CLVS1: variants seen among roughly 807,000 people sequenced by gnomAD.
CLVS1 encodes the protein clavesin 1.
A neutral mutation model predicts 33.1 loss-of-function variants in CLVS1; 10 were observed. That is an observed-to-expected ratio of 0.30 (90% CI 0.19 to 0.51). The LOEUF (loss-of-function observed/expected upper bound fraction) is 0.51. Among genes scored for constraint, CLVS1 ranks in the 20% least tolerant of loss-of-function variants. The probability of loss-of-function intolerance (pLI) is 0.97; values close to 1 mark genes in which losing one functional copy is unlikely to be tolerated. For synonymous variants in CLVS1, 163 were observed against 166.1 expected, an observed-to-expected ratio of 0.98 and a Z score of 0.14; for missense variants, 343 against 433.4, an observed-to-expected ratio of 0.79 and a Z score of 1.85.
chr8:61,216,564 T>C (rs994826027), intron 2 of CLVS1, among the ~76,000 whole-genome samples: 1 of 152,234 alleles, frequency 6.6e-6, no homozygotes, highest in Non-Finnish European at 1.5e-5. Context: ...AGGAGGAAGA[T>C]GGAGGAACCA....
chr8:61,157,121 A>G (rs1806665777), intron 2 of CLVS1, among the ~76,000 whole-genome samples: 1 of 152,220 alleles, frequency 6.6e-6, no homozygotes, highest in Non-Finnish European at 1.5e-5. Flanking sequence ...ATCAGGCCTC[A>G]GGTATAAAGG....
At chr8:61,232,127 C>T (rs1018989836) in intron 2 of CLVS1, among the ~76,000 whole-genome samples, 3 of 149,674 alleles carry the variant, frequency 2.0e-5, no homozygotes, top group Non-Finnish European at 4.4e-5. Context: ...CTCCACCTCC[C>T]GGGTTCAGGC....
chr8:61,084,123 C>G (rs1395778010), intron 1 of CLVS1, among the ~76,000 whole-genome samples: 2 of 152,188 alleles, frequency 1.3e-5, no homozygotes, highest in East Asian at 1.9e-4. Context: ...CAATACCAGA[C>G]AAGATAACAC....
chr8:61,127,365 G>A (rs1242943284), intron 1 of CLVS1, among the ~76,000 whole-genome samples: 3 of 152,026 alleles, frequency 2.0e-5, no homozygotes, highest in African/African-American at 7.3e-5. Flanking sequence ...GATTACAGGT[G>A]TGCGCCACCA....
chr8:61,421,888 T>C (rs903020825), intron 3 of CLVS1, among the ~76,000 whole-genome samples: 1 of 152,228 alleles, frequency 6.6e-6, no homozygotes, highest in African/African-American at 2.4e-5. Context: ...AAGATCCAGC[T>C]AAAGCAGACT....
At chr8:61,434,161 C>T (rs968609985) in intron 3 of CLVS1, among the ~76,000 whole-genome samples, 1 of 152,132 alleles carries the variant, frequency 6.6e-6, no homozygotes, top group African/African-American at 2.4e-5. Context: ...TGGGAAGTCA[C>T]TGGAGGGTTT....
At chr8:61,049,131 G>T in the CLVS1 span, among the ~76,000 whole-genome samples, 4 of 152,292 alleles carry the variant, frequency 2.6e-5, no homozygotes, top group Admixed American at 2.0e-4. Flanking sequence ...ATAGCCTGCT[G>T]AATTTTCACA....
At chr8:61,486,612 G>A (rs1213866404) in intron 5 of CLVS1, among the ~76,000 whole-genome samples, 1 of 152,184 alleles carries the variant, frequency 6.6e-6, no homozygotes, top group African/African-American at 2.4e-5. Context: ...TGGAGGAGTT[G>A]AGGAGGTAAG....
At chr8:61,100,888 A>G (rs368390927) in intron 1 of CLVS1, among the ~76,000 whole-genome samples, 55 of 152,320 alleles carry the variant, frequency 3.6e-4, no homozygotes, top group African/African-American at 1.3e-3. Context: ...TCCATGGTGT[A>G]GCATGTATCA....
At chr8:60,992,227 AT>A in the CLVS1 span, among the ~76,000 whole-genome samples, 6 of 152,076 alleles carry the variant, frequency 3.9e-5, no homozygotes, top group Non-Finnish European at 5.9e-5. Flanking sequence ...CTGACTTTAT[AT>A]TTTTTACTCA....
chr8:61,493,832 GA>G lies in CLVS1; in HGVS notation c.978-5619del, dbSNP rs577250350. On this transcript the variant is annotated intron_variant, in intron 5 of 5. Transcript: ENST00000325897. Reference sequence around the variant, plus strand: ...TTATGGAATGATGATGTTGGTCCTGGAAAACAGATGGGTAGAACCTGATTCA... The same window carrying G: ...TTATGGAATGATGATGTTGGTCCTGGAAACAGATGGGTAGAACCTGATTCA... Among the ~76,000 whole-genome samples, 54 of 152,308 alleles carry G rather than the reference GA, an allele frequency of 3.5e-4. 1 individual carries two copies. The South Asian group carries it at 9.9e-3, about 28-fold the overall frequency.
In CLVS1 at chr8:61,288,131, G is replaced by T; in HGVS notation, c.-159G>T. ...ATTCCCAAAGCAAGGCTGGGCGGCCGTGTGAAGGTATTTGTTACCTTTTTT... is the reference window on the plus strand; with the variant it reads ...ATTCCCAAAGCAAGGCTGGGCGGCCTTGTGAAGGTATTTGTTACCTTTTTT... On this transcript the variant is annotated 5_prime_UTR_variant, in exon 1 of 6. Coordinates refer to ENST00000325897, the MANE Select transcript of CLVS1 (RefSeq NM_173519.3). The T allele has an allele frequency of 2.2e-6, 1 of 456,316 alleles. No homozygotes were observed. The allele number at this position is 456,316 out of a possible 1,614,324, so 28.3% of individuals were successfully genotyped here.
rs945795183 is a variant in CLVS1, at chr8:61,078,643, C to T, written c.-243+21413C>T. On this transcript the variant is annotated intron_variant, in intron 1 of 2. Coordinates refer to the CLVS1 transcript ENST00000522621. ...TAATAAATCTAACAAGTTTGGGGGACACTTTTGAGTCCACTAATGTTCCTT... is the reference window on the plus strand; with the variant it reads ...TAATAAATCTAACAAGTTTGGGGGATACTTTTGAGTCCACTAATGTTCCTT... Among the ~76,000 whole-genome samples, 90 of 152,202 alleles carry T rather than the reference C, an allele frequency of 5.9e-4. 1 individual carries two copies. Among genetic ancestry groups the T allele is most frequent in the African/African-American group, 2.1e-3 (89 of 41,528 alleles).
At chr8:61,274,503 T>C (rs1809526485) in intron 2 of CLVS1, among the ~76,000 whole-genome samples, 1 of 152,160 alleles carries the variant, frequency 6.6e-6, no homozygotes, top group African/African-American at 2.4e-5. Flanking sequence ...CTTCTCCCCC[T>C]GCATCTTAAC....
At chr8:61,403,593 A>AT (rs1814856409) in intron 3 of CLVS1, among the ~76,000 whole-genome samples, 1 of 152,176 alleles carries the variant, frequency 6.6e-6, no homozygotes, top group Non-Finnish European at 1.5e-5. Flanking sequence ...GATGTGTGAT[A>AT]TTTAAAAATG....
intron 2 of CLVS1, among the ~76,000 whole-genome samples, chr8:61,181,695 ATC>A (rs1456955187): frequency 1.4e-5 from 1 of 70,212 alleles, no homozygotes; most frequent in Non-Finnish European, 3.8e-5. Flanking sequence ...CAACCATCTG[ATC>A]TTTTTTTTTT....
At chr8:60,981,111 A>G in the CLVS1 span, among the ~76,000 whole-genome samples, 2 of 152,194 alleles carry the variant, frequency 1.3e-5, no homozygotes, top group Non-Finnish European at 2.9e-5. Flanking sequence ...TTAAGAGAAT[A>G]TATTTCTGTT....
the CLVS1 span, among the ~76,000 whole-genome samples, chr8:60,983,992 G>A: frequency 6.6e-6 from 1 of 152,176 alleles, no homozygotes; most frequent in African/African-American, 2.4e-5. Context: ...TTGGAAAGGA[G>A]AACTTCTGGC....
intron 1 of CLVS1, among the ~76,000 whole-genome samples, chr8:61,099,602 G>C (rs1805411585): frequency 6.6e-6 from 1 of 152,086 alleles, no homozygotes; most frequent in Non-Finnish European, 1.5e-5. Context: ...GAATGGCTGA[G>C]AGAAATCTTT....
Sources: gnomAD v4.1 joint callset for allele counts (sites outside exome capture counted in the v4.1 genomes callset) on GRCh38, gnomAD v4.1.1 for gene constraint, MANE v1.5 for transcripts, NCBI Gene and HGNC (gene_info 2026-07-23, HGNC 2026-07-21) for gene names.